Variants in RAN observed in about 807,000 individuals in gnomAD.
The protein encoded by RAN is RAN, member RAS oncogene family.
Under a neutral mutation model 26.8 loss-of-function variants are expected in RAN, and 2 were observed. That is an observed-to-expected ratio of 0.07 (90% CI 0.03 to 0.23). The LOEUF is 0.23. RAN is among the 10% of genes least tolerant of loss of function. RAN has a pLI of 1.00. For synonymous variants in RAN, 132 were observed against 95.9 expected (o/e 1.38, Z -2.20); for missense variants, 56 against 264.8 (o/e 0.21, Z 5.47).
At position 130,877,163 on chromosome 12, in the gene RAN, T is replaced by C. The variant is rs553593587; in HGVS notation, c.*1237T>C. 6.6e-6 allele frequency: 1 copy of C among 152,186 alleles called. No homozygotes were observed. The highest frequency in any genetic ancestry group is 2.4e-5 in the African/African-American group (1 of 41,448). The allele number at this position is 152,186 out of a possible 1,614,324, so 9.4% of individuals were successfully genotyped here. ...TTTGATCCCATCAACACTATTCTTG[T>C]AGCAGTTAGGAATCTTGAGCTATTT... On this transcript the variant is annotated 3_prime_UTR_variant, in exon 7 of 7. Coordinates refer to ENST00000543796, the MANE Select transcript of RAN (RefSeq NM_006325.5).
At chr12:130,873,319 C>G (rs538140583) in intron 4 of RAN, 191 bp downstream of exon 4, 1 of 646,118 alleles carries the variant, frequency 1.5e-6, no homozygotes, top group African/African-American at 1.8e-5. Flanking sequence ...CATTTGCATG[C>G]TGTGTCATGC....
In RAN at chr12:130,872,109, C is replaced by G; in HGVS notation, c.-28C>G. On this transcript the variant is annotated 5_prime_UTR_variant, in exon 1 of 7. Transcript: ENST00000543796. ...CTTTCCAGCCTCAGTCGGACGGGCG[C>G]GGAGACGCTTCTGGAAGGTATCGCG... 3.2e-6 allele frequency: 1 copy of G among 313,242 alleles called. No individual in the cohort carries two copies. The highest frequency in any genetic ancestry group is 6.8e-6 in the Non-Finnish European group (1 of 146,926). 19.4% of individuals were successfully genotyped at this position (313,242 alleles called of 1,614,324 possible). A position where few individuals can be genotyped will look rare whatever the true frequency, so the allele number is the denominator to read the frequency against.
chr12:130,872,512 G>C, intron 1 of RAN, 72 bp from the exon 2 acceptor site: 1 of 1,178,440 alleles, frequency 8.5e-7, no homozygotes. Flanking sequence ...TGGGGCGCTG[G>C]GGGCGCGGGA....
rs370664310 is a variant in RAN at position 130,872,987 on chromosome 12, A to G, written c.122-16A>G. 41 of 1,614,200 alleles carry G rather than the reference A, an allele frequency of 2.5e-5. No homozygotes were observed. The highest frequency in any genetic ancestry group is 1.0e-4 in the Admixed American group (6 of 60,026). ...TGGGTAAGTTCATCCACTCAATCGC[A>G]TCGTTTCCGTTTCAGCCACCTTGGG... is the stretch of plus-strand genomic sequence containing the variant. On this transcript the variant is annotated splice_polypyrimidine_tract_variant and intron_variant, in intron 3 of 6. Transcript: ENST00000543796.
chr12:130,876,738 ATTC>A lies in RAN; in HGVS notation c.*815_*817del, dbSNP rs1953251656. ...ATCAGTGGATGGCAGGAGGTTGGGA[ATTC>A]TTGCTGTTAAAAATAATTACAAATT... is the stretch of plus-strand genomic sequence containing the variant. On this transcript the variant is annotated 3_prime_UTR_variant, in exon 7 of 7. Coordinates refer to ENST00000543796, the MANE Select transcript of RAN (RefSeq NM_006325.5). 2 of 152,144 alleles carry A rather than the reference ATTC, an allele frequency of 1.3e-5. No individual in the cohort carries two copies. Among genetic ancestry groups the A allele is most frequent in the Non-Finnish European group, 2.9e-5 (2 of 68,028 alleles). The allele number at this position is 152,144 out of a possible 1,614,324, so 9.4% of individuals were successfully genotyped here. A position where few individuals can be genotyped will look rare whatever the true frequency, so the allele number is the denominator to read the frequency against.
At position 130,876,161 on chromosome 12, in the gene RAN, G is replaced by A. The variant is rs1593221693; in HGVS notation, c.*235G>A. 1.8e-6 allele frequency: 1 copy of A among 560,090 alleles called. No homozygotes were observed. Among genetic ancestry groups the A allele is most frequent in the South Asian group, 2.2e-5 (1 of 45,916 alleles). 34.7% of individuals were successfully genotyped at this position (560,090 alleles called of 1,614,324 possible). A position where few individuals can be genotyped will look rare whatever the true frequency, so the allele number is the denominator to read the frequency against. ...TTTTGGAACGCAGTTGATTCCTTGA[G>A]TTTCATATATAAGACTGCTGCAGTC... On this transcript the variant is annotated 3_prime_UTR_variant, in exon 7 of 7. Transcript: ENST00000543796.
chr12:130,873,378 A>G (rs1017829539), intron 4 of RAN: 2 of 430,786 alleles, frequency 4.6e-6, no homozygotes, highest in South Asian at 2.4e-5. Flanking sequence ...CTTATAAGTC[A>G]TATTTAAAAC....
chr12:130,872,264 G>T, intron 1 of RAN, 138 bp downstream of exon 1: 1 of 152,966 alleles, frequency 6.5e-6, no homozygotes, highest in South Asian at 1.8e-4. Flanking sequence ...TGGGTGGTGC[G>T]GGCCCGGCCG....
Position 130,874,807 on chromosome 12 carries a change from G to A in RAN, c.435+74G>A. The A allele has an allele frequency of 2.4e-6, 3 of 1,255,468 alleles. No individual in the cohort carries two copies. The East Asian group carries it at 7.3e-5, about 30-fold the overall frequency. 77.8% of individuals were successfully genotyped at this position (1,255,468 alleles called of 1,614,324 possible). ...ATGTAAGACCATGAAATTAACCAGT[G>A]TCTATTATATATGGAAATGATTTTT... On this transcript the variant is annotated intron_variant, in intron 5 of 6. Coordinates refer to ENST00000543796, the MANE Select transcript of RAN (RefSeq NM_006325.5).
intron 4 of RAN, 127 bp downstream of exon 4, chr12:130,873,255 T>C (rs1295957447): frequency 7.6e-7 from 1 of 1,310,978 alleles, no homozygotes; most frequent in Admixed American, 2.3e-5. Flanking sequence ...ACAAGTGGAC[T>C]TCGGGGAGTT....
At chr12:130,875,040 G>C (rs761503680) in intron 5 of RAN, among the ~76,000 whole-genome samples, 2 of 152,100 alleles carry the variant, frequency 1.3e-5, no homozygotes, top group Admixed American at 1.3e-4. Context: ...TGGTCAGGCT[G>C]ATCTCCAACT....
In RAN at chr12:130,872,995, C is replaced by T. The variant is rs753364676; in HGVS notation, c.122-8C>T. 5.0e-6 allele frequency: 8 copies of T among 1,614,148 alleles called. No individual in the cohort carries two copies. The highest frequency in any genetic ancestry group is 2.2e-5 in the East Asian group (1 of 44,890). ...TTCATCCACTCAATCGCATCGTTTC[C>T]GTTTCAGCCACCTTGGGTGTTGAGG... is the stretch of plus-strand genomic sequence containing the variant. On this transcript the variant is annotated splice_region_variant and splice_polypyrimidine_tract_variant and intron_variant, in intron 3 of 6. Coordinates refer to ENST00000543796, the MANE Select transcript of RAN (RefSeq NM_006325.5).
rs1216018884 is a variant in RAN, at chr12:130,872,592, C to G, written c.-2C>G. The G allele has an allele frequency of 2.6e-6, 4 of 1,519,132 alleles. No homozygotes were observed. Among genetic ancestry groups the G allele is most frequent in the Non-Finnish European group, 2.6e-6 (3 of 1,137,112 alleles). The allele number at this position is 1,519,132 out of a possible 1,614,324, so 94.1% of individuals were successfully genotyped here. On this transcript the variant is annotated 5_prime_UTR_variant, in exon 2 of 7. Coordinates refer to ENST00000543796, the MANE Select transcript of RAN (RefSeq NM_006325.5). The stretch of plus-strand genomic sequence containing the variant: ...GTCCTCTGCCTCCGCAGGAACGCCG[C>G]GATGGCTGCGCAGGGAGAGCCCCAG...
rs1169666628 is a variant in RAN at position 130,875,464 on chromosome 12, A to T, written c.436-148A>T. 1.1e-5 allele frequency: 8 copies of T among 729,212 alleles called. No individual in the cohort carries two copies. In the Admixed American group the frequency reaches 2.4e-4, roughly 22 times the overall value. 45.2% of individuals were successfully genotyped at this position (729,212 alleles called of 1,614,324 possible). On this transcript the variant is annotated intron_variant, in intron 5 of 6. Transcript: ENST00000543796. ...TGTACTATTGGCCTCAGGCAATCCCACCTCAGCCCCCGAAAGTGCTGGGAT... is the reference window on the plus strand; with the variant it reads ...TGTACTATTGGCCTCAGGCAATCCCTCCTCAGCCCCCGAAAGTGCTGGGAT...
intron 5 of RAN, 63 bp downstream of exon 5, chr12:130,874,796 A>G: frequency 7.5e-7 from 1 of 1,339,890 alleles, no homozygotes; most frequent in South Asian, 1.4e-5. Context: ...AAGACCATGA[A>G]ATTAACCAGT....
intron 4 of RAN, chr12:130,874,022 A>AT (rs761116002): frequency 4.4e-5 from 17 of 383,096 alleles, no homozygotes; most frequent in South Asian, 2.4e-4. Flanking sequence ...TAATTTTTGT[A>AT]TTTTTTTGTA....
At chr12:130,872,692 C>T (rs1188801497) in intron 2 of RAN, 63 bp downstream of exon 2, 44 of 1,540,438 alleles carry the variant, frequency 2.9e-5, no homozygotes, top group Non-Finnish European at 1.4e-5. Flanking sequence ...CGGGTCCCTC[C>T]TCCTGGGGCC....
chr12:130,872,442 C>T (rs1007613107), intron 1 of RAN, 142 bp from the exon 2 acceptor site: 10 of 351,730 alleles, frequency 2.8e-5, no homozygotes, highest in Non-Finnish European at 3.8e-5. Flanking sequence ...CGCCGCCTTC[C>T]CGCTCCCAGG....
chr12:130,875,168 G>T (rs1026146795), intron 5 of RAN, among the ~76,000 whole-genome samples: 2 of 151,930 alleles, frequency 1.3e-5, no homozygotes, highest in African/African-American at 4.8e-5. Context: ...TTTAAAGAAT[G>T]ATAGAGATTG....
Sources: allele counts gnomAD v4.1 joint callset (sites outside exome capture counted in the v4.1 genomes callset), GRCh38; gene constraint gnomAD v4.1.1; transcripts MANE v1.5; gene names NCBI Gene and HGNC (gene_info 2026-07-23, HGNC 2026-07-21).